NPAS3: variants seen among roughly 807,000 people sequenced by gnomAD.
NPAS3 encodes neuronal PAS domain protein 3, also known as neuronal PAS domain-containing protein 3.
A neutral mutation model predicts 73.1 loss-of-function variants in NPAS3; 14 were observed. The ratio of observed to expected loss-of-function variants is 0.19; its 90% CI spans 0.13 to 0.30. NPAS3 has a LOEUF of 0.30. Ranked by LOEUF, NPAS3 falls within the 10% of genes least tolerant of loss-of-function variation. NPAS3 has a pLI of 1.00. For missense variants in NPAS3, 1,096 were observed against 1,250.0 expected, an observed-to-expected ratio of 0.88 and a Z score of 1.86; for synonymous variants, 620 against 541.5, an observed-to-expected ratio of 1.14 and a Z score of -2.01.
chr14:33,094,125 A>C (rs2042324929), intron 2 of NPAS3, among the ~76,000 whole-genome samples: 1 of 152,064 alleles, frequency 6.6e-6, no homozygotes, highest in African/African-American at 2.4e-5. Flanking sequence ...AAAAAAAAAA[A>C]ATTGCCCACC....
chr14:33,025,535 C>G lies in NPAS3; in HGVS notation c.51-30370C>G, dbSNP rs537458541. ...CCAGGCTAGGAAATATCAGGGAGAT[C>G]TTAATAAGTTTCTGATATGGTTTGG... is the stretch of plus-strand genomic sequence containing the variant. On this transcript the variant is annotated intron_variant, in intron 1 of 11. Transcript: ENST00000356141. 1.6e-4 allele frequency among the ~76,000 whole-genome samples: 25 copies of G among 152,254 alleles called. 2 individuals are homozygous for G. Among genetic ancestry groups the G allele is most frequent in the Admixed American group, 1.5e-3 (23 of 15,290 alleles).
intron 3 of NPAS3, among the ~76,000 whole-genome samples, chr14:33,308,863 A>G (rs904958877): frequency 6.6e-6 from 1 of 152,194 alleles, no homozygotes; most frequent in Non-Finnish European, 1.5e-5. Context: ...CTTAAGTTAT[A>G]ATGCTAAGGA....
chr14:33,510,577 C>T (rs1174150790), intron 4 of NPAS3, among the ~76,000 whole-genome samples: 1 of 151,794 alleles, frequency 6.6e-6, no homozygotes. Context: ...CAAAATAATA[C>T]ATGGGTAAGG....
At position 33,782,830 on chromosome 14, in the gene NPAS3, AAG is replaced by A. The variant is rs2063021233; in HGVS notation, c.1153+4260_1153+4261del. 2.0e-5 allele frequency among the ~76,000 whole-genome samples: 3 copies of A among 152,114 alleles called. 1 individual carries two copies. Among genetic ancestry groups the A allele is most frequent in the South Asian group, 2.1e-4 (1 of 4,818 alleles). Reference sequence around the variant, plus strand: ...TTGGGGGTTGTTTTTTTTTAAAAAAAAGAAAAAAACAGTAGCTTAAGTGTTTA... The same window carrying A: ...TTGGGGGTTGTTTTTTTTTAAAAAAAAAAAAAACAGTAGCTTAAGTGTTTA... On this transcript the variant is annotated intron_variant, in intron 9 of 11. Coordinates refer to ENST00000356141, the Ensembl canonical transcript of NPAS3.
At chr14:33,700,231 G>C (rs1274490514) in intron 6 of NPAS3, among the ~76,000 whole-genome samples, 1 of 152,140 alleles carries the variant, frequency 6.6e-6, no homozygotes, top group African/African-American at 2.4e-5. Flanking sequence ...TGTTCAGAAT[G>C]GTTTCTGATG....
chr14:33,170,361 A>C (rs942528372), intron 2 of NPAS3, among the ~76,000 whole-genome samples: 1 of 152,178 alleles, frequency 6.6e-6, no homozygotes. Flanking sequence ...AGGGAACCAT[A>C]ATCTTTTGGC....
intron 4 of NPAS3, among the ~76,000 whole-genome samples, chr14:33,516,909 A>C (rs1207441330): frequency 1.3e-5 from 2 of 152,034 alleles, no homozygotes; most frequent in Non-Finnish European, 2.9e-5. Flanking sequence ...TGGGGGAAGA[A>C]ATTTCTCCCT....
upstream of NPAS3, among the ~76,000 whole-genome samples, chr14:32,938,478 A>ATT (rs1595042832): frequency 2.2e-4 from 24 of 106,706 alleles, no homozygotes; most frequent in African/African-American, 4.5e-4. Flanking sequence ...AGAGAGAGAG[A>ATT]GAGAAATTGA....
chr14:33,306,963 T>C (rs890724512), intron 3 of NPAS3, among the ~76,000 whole-genome samples: 2 of 152,212 alleles, frequency 1.3e-5, no homozygotes, highest in Non-Finnish European at 2.9e-5. Flanking sequence ...AGGCCTCCTC[T>C]GAGAAGACCT....
chr14:33,189,157 T>TGGCTTATGTTAGGTC (rs2046081113), intron 2 of NPAS3, among the ~76,000 whole-genome samples: 1 of 152,222 alleles, frequency 6.6e-6, no homozygotes, highest in South Asian at 2.1e-4. Flanking sequence ...GTCATAGGCC[T>TGGCTTATGTTAGGTC]AAACAATTTA....
chr14:33,194,164 T>C (rs914172307), intron 2 of NPAS3, among the ~76,000 whole-genome samples: 1 of 152,222 alleles, frequency 6.6e-6, no homozygotes, highest in Admixed American at 6.5e-5. Flanking sequence ...GTAGTTAGTG[T>C]AAAATTGTCT....
exon 12 of NPAS3, chr14:33,799,867 C>A: frequency 6.2e-7 from 1 of 1,614,166 alleles, no homozygotes; most frequent in Non-Finnish European, 8.5e-7. Context: ...GCCACAGCTC[C>A]AGTAACCCGG....
At chr14:33,196,980 G>A (rs2046379025) in intron 2 of NPAS3, among the ~76,000 whole-genome samples, 1 of 152,022 alleles carries the variant, frequency 6.6e-6, no homozygotes, top group African/African-American at 2.4e-5. Flanking sequence ...TACAGGTATT[G>A]ATAACTATGC....
At chr14:33,770,297 C>G (rs2062610424) in intron 7 of NPAS3, among the ~76,000 whole-genome samples, 1 of 152,190 alleles carries the variant, frequency 6.6e-6, no homozygotes, top group Non-Finnish European at 1.5e-5. Flanking sequence ...AAATGCTGGA[C>G]TGTAACCCAA....
At chr14:33,774,479 T>A in exon 8 of NPAS3, 1 of 1,614,222 alleles carries the variant, frequency 6.2e-7, no homozygotes, top group Non-Finnish European at 8.5e-7. Context: ...GACTGCCATA[T>A]GTTCGTCACT....
chr14:32,951,102 G>T (rs2036466894), intron 1 of NPAS3, among the ~76,000 whole-genome samples: 1 of 151,988 alleles, frequency 6.6e-6, no homozygotes. Flanking sequence ...CATAAATCCT[G>T]GTCACCAGTG....
At chr14:33,144,303 T>C (rs1382917426) in intron 2 of NPAS3, among the ~76,000 whole-genome samples, 1 of 152,216 alleles carries the variant, frequency 6.6e-6, no homozygotes, top group Non-Finnish European at 1.5e-5. Context: ...TGTGCTTCCG[T>C]AGTGAAGAAG....
intron 3 of NPAS3, among the ~76,000 whole-genome samples, chr14:33,235,173 A>G (rs1474249220): frequency 6.6e-6 from 1 of 151,602 alleles, no homozygotes; most frequent in Non-Finnish European, 1.5e-5. Context: ...ACCGCCCCAC[A>G]CTCCTCCTGC....
At position 33,217,750 on chromosome 14, in the gene NPAS3, G is replaced by A. The variant is rs17100393; in HGVS notation, c.385+2324G>A. Among the ~76,000 whole-genome samples, 638 of 152,252 alleles carry A rather than the reference G, an allele frequency of 4.2e-3. 31 individuals carry two copies. In the East Asian group the frequency reaches 0.11, roughly 26 times the overall value. On this transcript the variant is annotated intron_variant, in intron 3 of 11. Transcript: ENST00000356141. Reference sequence around the variant, plus strand: ...CAGAATCATGGCCTTTTAGGCATGCGAATGTATAGATCACATGTCATTATT... The same window carrying A: ...CAGAATCATGGCCTTTTAGGCATGCAAATGTATAGATCACATGTCATTATT...
Sources: allele counts gnomAD v4.1 joint callset (sites outside exome capture counted in the v4.1 genomes callset), GRCh38; gene constraint gnomAD v4.1.1; transcripts MANE v1.5; gene names NCBI Gene and HGNC (gene_info 2026-07-23, HGNC 2026-07-21).